The following WDR7 variants were observed in gnomAD, a reference collection of about 807,000 sequenced individuals.
The protein encoded by WDR7 is WD repeat domain 7, also known as WD repeat-containing protein 7.
In WDR7, 46 loss-of-function variants were observed where a neutral mutation model predicts 169.4. The ratio of observed to expected loss-of-function variants is 0.27; its 90% CI spans 0.21 to 0.35. WDR7 has a LOEUF of 0.35. Ranked by LOEUF, WDR7 falls within the 10% of genes least tolerant of loss-of-function variation. The pLI is 1.00. For synonymous variants in WDR7, 612 were observed against 666.8 expected, an observed-to-expected ratio of 0.92 and a Z score of 1.27; for missense variants, 1,534 against 1,859.3, an observed-to-expected ratio of 0.83 and a Z score of 3.22.
chr18:57,003,702 T>A lies in WDR7; in HGVS notation c.4165-17043T>A, dbSNP rs542810048. 1.9e-3 allele frequency among the ~76,000 whole-genome samples: 290 copies of A among 152,256 alleles called. 1 individual carries two copies. Among genetic ancestry groups the A allele is most frequent in the African/African-American group, 6.7e-3 (280 of 41,566 alleles). On this transcript the variant is annotated intron_variant, in intron 26 of 27. Transcript: ENST00000254442. ...TAAATATTTTTTAAAATATTATGATTGTTGGATTTAATAATCCTTACGTTA... is the reference window on the plus strand; with the variant it reads ...TAAATATTTTTTAAAATATTATGATAGTTGGATTTAATAATCCTTACGTTA...
chr18:56,781,041 G>A (rs947398135), intron 18 of WDR7, among the ~76,000 whole-genome samples: 2 of 152,086 alleles, frequency 1.3e-5, no homozygotes, highest in South Asian at 2.1e-4. Context: ...TTAGGTATAC[G>A]TGAATCATGT....
intron 2 of WDR7, among the ~76,000 whole-genome samples, chr18:56,674,955 A>G (rs1230634675): frequency 6.6e-6 from 1 of 152,004 alleles, no homozygotes; most frequent in African/African-American, 2.4e-5. Context: ...ATGCTATTGG[A>G]CTCTTAAGAA....
Position 56,695,030 on chromosome 18 carries a change from C to T in WDR7, c.1189C>T (p.Leu397=). The change falls in exon 11 of 28, where the codon CTG becomes TTG. Residue 397 remains leucine (L), a synonymous_variant. Coordinates refer to ENST00000254442, the MANE Select transcript of WDR7 (RefSeq NM_015285.3). ...TTGTCCTGCTGGAATTATAGATCAG[C>T]TGAGTGTGATTCCCAATAGTAATGA... is the stretch of plus-strand genomic sequence containing the variant. ...NPCPAGIIDQ[L]SVIPNSNEPL... 11 of 1,614,146 alleles carry T rather than the reference C, an allele frequency of 6.8e-6. No individual in the cohort carries two copies. Among genetic ancestry groups the T allele is most frequent in the Non-Finnish European group, 9.3e-6 (11 of 1,180,022 alleles).
rs2045708256 is a variant in WDR7, at chr18:56,855,544, AT to A, written c.3305-24395del. 2.6e-5 allele frequency among the ~76,000 whole-genome samples: 4 copies of A among 152,094 alleles called. No homozygotes were observed. In the South Asian group the frequency reaches 8.3e-4, roughly 32 times the overall value. On this transcript the variant is annotated intron_variant, in intron 20 of 27. Coordinates refer to ENST00000254442, the MANE Select transcript of WDR7 (RefSeq NM_015285.3). ...AAAGCTGTTAATCCACTTGAGGTTG[AT>A]TTTTGTGTATGGTGTAGAATTCCAA...
At chr18:56,737,717 A>C (rs1253165962) in intron 14 of WDR7, among the ~76,000 whole-genome samples, 9 of 152,226 alleles carry the variant, frequency 5.9e-5, no homozygotes, top group Non-Finnish European at 1.3e-4. Flanking sequence ...TTCACTCTAA[A>C]AAAATTTGTA....
At chr18:56,727,091 A>G (rs1238975807) in intron 13 of WDR7, among the ~76,000 whole-genome samples, 2 of 152,224 alleles carry the variant, frequency 1.3e-5, no homozygotes, top group African/African-American at 4.8e-5. Flanking sequence ...TATTCAGACA[A>G]TGGATGTTAG....
At chr18:56,846,065 C>T (rs1191044260) in intron 20 of WDR7, among the ~76,000 whole-genome samples, 1 of 152,100 alleles carries the variant, frequency 6.6e-6, no homozygotes, top group African/African-American at 2.4e-5. Context: ...GTGGAGCATA[C>T]AAATAGACAT....
intron 26 of WDR7, among the ~76,000 whole-genome samples, chr18:56,977,654 A>G (rs553894057): frequency 6.6e-6 from 1 of 152,350 alleles, no homozygotes; most frequent in South Asian, 2.1e-4. Flanking sequence ...TTAATCTAGA[A>G]TATTCATTAA....
At chr18:56,758,572 A>T (rs991590890) in intron 15 of WDR7, among the ~76,000 whole-genome samples, 1 of 152,248 alleles carries the variant, frequency 6.6e-6, no homozygotes, top group Non-Finnish European at 1.5e-5. Flanking sequence ...AAATCTCAGC[A>T]TCTGAATATT....
At chr18:56,741,919 A>G (rs935035692) in intron 14 of WDR7, among the ~76,000 whole-genome samples, 2 of 152,186 alleles carry the variant, frequency 1.3e-5, no homozygotes, top group Non-Finnish European at 2.9e-5. Flanking sequence ...GACATATACA[A>G]CAGAACAACT....
chr18:56,752,161 G>C (rs756551088), intron 14 of WDR7, among the ~76,000 whole-genome samples: 4 of 152,178 alleles, frequency 2.6e-5, no homozygotes, highest in Non-Finnish European at 5.9e-5. Context: ...TCAGGCCCAG[G>C]AAGCTGTATT....
chr18:57,001,204 A>G (rs1292682280), intron 26 of WDR7, among the ~76,000 whole-genome samples: 1 of 152,186 alleles, frequency 6.6e-6, no homozygotes, highest in African/African-American at 2.4e-5. Context: ...TATATTTAAA[A>G]AATATGTATA....
intron 13 of WDR7, among the ~76,000 whole-genome samples, chr18:56,726,615 T>A (rs1393853339): frequency 6.6e-6 from 1 of 152,138 alleles, no homozygotes; most frequent in Admixed American, 6.5e-5. Context: ...CAATTTGACT[T>A]CCTCTTTTCC....
chr18:56,851,614 T>G (rs1016237009), intron 20 of WDR7, among the ~76,000 whole-genome samples: 2 of 152,158 alleles, frequency 1.3e-5, no homozygotes, highest in East Asian at 3.9e-4. Context: ...GTTGCCTGAT[T>G]TAACATTGAC....
At chr18:56,768,110 A>G (rs752604967) in intron 16 of WDR7, among the ~76,000 whole-genome samples, 2 of 152,176 alleles carry the variant, frequency 1.3e-5, no homozygotes, top group East Asian at 3.8e-4. Context: ...GTCATGATGC[A>G]TTATATATTC....
At chr18:56,672,376 A>T in intron 1 of WDR7, 121 bp from the exon 2 acceptor site, 1 of 630,432 alleles carries the variant, frequency 1.6e-6, no homozygotes, top group Non-Finnish European at 2.3e-6. Context: ...ATATTTAAGT[A>T]GCTGTAATTC....
chr18:56,900,078 GTGTGTATATA>G (rs1391645747), intron 21 of WDR7, among the ~76,000 whole-genome samples: 6,642 of 124,888 alleles, frequency 0.053, 229 homozygotes, highest in East Asian at 0.18. Flanking sequence ...GTGTGTGTGT[GTGTGTATATA>G]TATATATATA....
At chr18:56,710,104 T>C (rs1476128384) in intron 12 of WDR7, among the ~76,000 whole-genome samples, 2 of 150,650 alleles carry the variant, frequency 1.3e-5, no homozygotes, top group African/African-American at 4.9e-5. Flanking sequence ...CTTGGGTTCA[T>C]GCCATTCTCC....
At chr18:56,787,195 TTGG>T (rs2044414245) in intron 19 of WDR7, among the ~76,000 whole-genome samples, 1 of 152,128 alleles carries the variant, frequency 6.6e-6, no homozygotes, top group African/African-American at 2.4e-5. Context: ...TTCATTTCAG[TTGG>T]TGATGACTCT....
Sources: gnomAD v4.1 joint callset for allele counts (sites outside exome capture counted in the v4.1 genomes callset) on GRCh38, gnomAD v4.1.1 for gene constraint, MANE v1.5 for transcripts, NCBI Gene and HGNC (gene_info 2026-07-23, HGNC 2026-07-21) for gene names.